FUT8: variants seen among roughly 807,000 people sequenced by gnomAD.
FUT8 encodes fucosyltransferase 8, also known as alpha-(1,6)-fucosyltransferase.
FUT8 carries 29 observed loss-of-function variants against 71.3 expected under a neutral mutation model. That is an observed-to-expected ratio of 0.41 (90% CI 0.30 to 0.55). The LOEUF is 0.55. Ranked by LOEUF, FUT8 falls within the 20% of genes least tolerant of loss-of-function variation. The probability of loss-of-function intolerance (pLI) is 0.34; values close to 1 mark genes in which losing one functional copy is unlikely to be tolerated. For missense variants in FUT8, 544 were observed against 702.1 expected (o/e 0.77, Z 2.55); for synonymous variants, 254 against 239.3 (o/e 1.06, Z -0.57).
chr14:65,521,181 T>C (rs1168417350), intron 2 of FUT8, among the ~76,000 whole-genome samples: 2 of 152,088 alleles, frequency 1.3e-5, no homozygotes, highest in East Asian at 1.9e-4. Context: ...TATAGTGATA[T>C]TCTATTTTAA....
chr14:65,692,371 C>G (rs1722521411), intron 7 of FUT8, among the ~76,000 whole-genome samples: 2 of 147,640 alleles, frequency 1.4e-5, no homozygotes, highest in Admixed American at 1.3e-4. Flanking sequence ...ACCCCCCCAC[C>G]TCCCTCCCGG....
intron 9 of FUT8, among the ~76,000 whole-genome samples, chr14:65,731,633 G>A (rs1322965451): frequency 6.6e-6 from 1 of 152,140 alleles, no homozygotes; most frequent in Non-Finnish European, 1.5e-5. Flanking sequence ...TCTTTTGCAT[G>A]TAGAGATGGG....
chr14:65,641,079 G>A (rs556579582), intron 6 of FUT8, among the ~76,000 whole-genome samples: 70 of 152,118 alleles, frequency 4.6e-4, no homozygotes, highest in Non-Finnish European at 9.0e-4. Flanking sequence ...AAGTTTTGAC[G>A]TATACAGACA....
intron 1 of FUT8, among the ~76,000 whole-genome samples, chr14:65,432,457 C>T (rs2065491537): frequency 2.0e-5 from 3 of 147,712 alleles, no homozygotes; most frequent in Admixed American, 2.0e-4. Context: ...TGTGAATCAT[C>T]TTTGTATTCC....
At chr14:65,492,337 G>A (rs1190802377) in intron 2 of FUT8, among the ~76,000 whole-genome samples, 1 of 152,192 alleles carries the variant, frequency 6.6e-6, no homozygotes, top group African/African-American at 2.4e-5. Context: ...GCTATAACAA[G>A]TGGAGGCAGA....
intron 2 of FUT8, among the ~76,000 whole-genome samples, chr14:65,495,753 A>G (rs187763615): frequency 5.9e-5 from 9 of 152,310 alleles, no homozygotes; most frequent in South Asian, 2.1e-4. Context: ...ATCAGTATAT[A>G]ATATTTTTTG....
intron 6 of FUT8, among the ~76,000 whole-genome samples, chr14:65,668,039 G>GACC (rs1418576261): frequency 3.9e-5 from 6 of 152,060 alleles, no homozygotes; most frequent in African/African-American, 1.4e-4. Context: ...ATTGAAACTG[G>GACC]ACCCCTTCCT....
At chr14:65,733,497 T>C in intron 10 of FUT8, 116 bp downstream of exon 10, 1 of 675,432 alleles carries the variant, frequency 1.5e-6, no homozygotes, top group Non-Finnish European at 2.4e-6. Flanking sequence ...TCAGGTGCAA[T>C]TTTTCTGATA....
the FUT8 span, among the ~76,000 whole-genome samples, chr14:65,361,791 AAAACAAACAAAC>A: frequency 6.6e-6 from 1 of 150,544 alleles, no homozygotes; most frequent in African/African-American, 2.5e-5. Context: ...TGTCTCAAAG[AAAACAAACAAAC>A]AAACAAATAA....
chr14:65,550,079 A>ACAAAACAAAG lies in FUT8; in HGVS notation c.-227-11253_-227-11252insCAAAGCAAAA, dbSNP rs1885203927. ...CTGTCTAAAAACAAAACAAAACAAA[A>ACAAAACAAAG]CAAAAAAGTTTACTTGGTTCCCAGC... On this transcript the variant is annotated intron_variant, in intron 2 of 10. Transcript: ENST00000673929. This position sits in a 1 kb window ranked among gnomAD's most constrained non-coding sequence, Gnocchi z 4.5. 6.6e-6 allele frequency among the ~76,000 whole-genome samples: 1 copy of ACAAAACAAAG among 152,116 alleles called. No individual in the cohort carries two copies. The highest frequency in any genetic ancestry group is 1.9e-4 in the East Asian group (1 of 5,162).
At chr14:65,486,480 G>A (rs1211575562) in intron 2 of FUT8, among the ~76,000 whole-genome samples, 1 of 152,186 alleles carries the variant, frequency 6.6e-6, no homozygotes, top group Non-Finnish European at 1.5e-5. Flanking sequence ...TATAGGAAGA[G>A]GTGGAAATAA....
At chr14:65,541,237 G>A (rs1315702703) in intron 2 of FUT8, among the ~76,000 whole-genome samples, 13 of 152,264 alleles carry the variant, frequency 8.5e-5, no homozygotes, top group African/African-American at 2.9e-4. Flanking sequence ...ATGCGTAATT[G>A]TCAGGGTTGT....
At chr14:65,699,634 T>C (rs1235557284) in intron 7 of FUT8, among the ~76,000 whole-genome samples, 1 of 152,072 alleles carries the variant, frequency 6.6e-6, no homozygotes, top group Non-Finnish European at 1.5e-5. Flanking sequence ...CACATAGAAA[T>C]GGGTAAGAAT....
chr14:65,503,614 G>A (rs944690493), intron 2 of FUT8, among the ~76,000 whole-genome samples: 11 of 152,096 alleles, frequency 7.2e-5, no homozygotes, highest in African/African-American at 2.7e-4. Context: ...TCATTTGGTT[G>A]CCATCCTTCA....
chr14:65,689,686 A>T (rs996870065), intron 7 of FUT8, among the ~76,000 whole-genome samples: 4 of 152,230 alleles, frequency 2.6e-5, no homozygotes, highest in Non-Finnish European at 2.9e-5. Context: ...CTACAGCCAC[A>T]TGCCACCGTG....
intron 6 of FUT8, among the ~76,000 whole-genome samples, chr14:65,633,009 C>CTTT (rs1318008407): frequency 6.9e-6 from 1 of 145,878 alleles, no homozygotes; most frequent in Admixed American, 6.7e-5. Flanking sequence ...TCCCCTCCCC[C>CTTT]CCCCCGTCTC....
At chr14:65,426,406 A>G (rs552284967) in intron 1 of FUT8, among the ~76,000 whole-genome samples, 3 of 152,026 alleles carry the variant, frequency 2.0e-5, no homozygotes, top group African/African-American at 4.8e-5. Flanking sequence ...AATTTATTCA[A>G]TACAAGTTTT....
At chr14:65,694,147 GTTTGTTAA>G (rs1248525559) in intron 7 of FUT8, among the ~76,000 whole-genome samples, 1 of 152,030 alleles carries the variant, frequency 6.6e-6, no homozygotes, top group East Asian at 1.9e-4. Flanking sequence ...TAGCTTTTCA[GTTTGTTAA>G]TTTTCTCTGT....
chr14:65,504,085 C>G (rs2066688268), intron 2 of FUT8, among the ~76,000 whole-genome samples: 1 of 152,162 alleles, frequency 6.6e-6, no homozygotes, highest in Non-Finnish European at 1.5e-5. Flanking sequence ...GTCCTTGAAG[C>G]TGTTTGAATT....
Sources: gnomAD v4.1 joint callset for allele counts (sites outside exome capture counted in the v4.1 genomes callset) on GRCh38, gnomAD v4.1.1 for gene constraint, Gnocchi (gnomAD v3.1) non-coding constraint, MANE v1.5 for transcripts, NCBI Gene and HGNC (gene_info 2026-07-23, HGNC 2026-07-21) for gene names.